Variants in GABBR2 observed in about 807,000 individuals in gnomAD.
GABBR2 encodes the protein gamma-aminobutyric acid type B receptor subunit 2, also known as G-protein coupled receptor 51.
A neutral mutation model predicts 105.6 loss-of-function variants in GABBR2; 23 were observed. That is an observed-to-expected ratio of 0.22 (90% CI 0.16 to 0.31). GABBR2 has a LOEUF of 0.31. Ranked by LOEUF, GABBR2 falls within the 10% of genes least tolerant of loss-of-function variation. The probability of loss-of-function intolerance (pLI) is 1.00; values close to 1 mark genes in which losing one functional copy is unlikely to be tolerated. For missense variants in GABBR2, 734 were observed against 1,245.5 expected (o/e 0.59, Z 6.18); for synonymous variants, 478 against 499.7 (o/e 0.96, Z 0.58).
intron 1 of GABBR2, among the ~76,000 whole-genome samples, chr9:98,586,543 AC>A (rs1829079968): frequency 6.6e-6 from 1 of 151,278 alleles, no homozygotes; most frequent in African/African-American, 2.4e-5. Context: ...CAAGTGATCC[AC>A]CCGCCTTGGC....
intron 1 of GABBR2, among the ~76,000 whole-genome samples, chr9:98,680,296 TTTTA>T (rs952004609): frequency 4.6e-5 from 7 of 152,030 alleles, no homozygotes; most frequent in Admixed American, 2.6e-4. Flanking sequence ...ATTATTATCA[TTTTA>T]TTTATTTATT....
intron 7 of GABBR2, among the ~76,000 whole-genome samples, chr9:98,452,501 C>T (rs1408149716): frequency 2.6e-5 from 4 of 152,160 alleles, no homozygotes; most frequent in African/African-American, 7.2e-5. Context: ...TTCCAGGTTC[C>T]TCACTGTTCA....
At chr9:98,672,935 T>C (rs1830423736) in intron 1 of GABBR2, among the ~76,000 whole-genome samples, 1 of 152,240 alleles carries the variant, frequency 6.6e-6, no homozygotes, top group African/African-American at 2.4e-5. Context: ...AGCAATCTTC[T>C]ACATTCACAA....
At chr9:98,359,665 C>T (rs497371) in intron 13 of GABBR2, among the ~76,000 whole-genome samples, 3 of 151,798 alleles carry the variant, frequency 2.0e-5, no homozygotes, top group African/African-American at 4.8e-5. Flanking sequence ...TGAAGTGATA[C>T]GGTTATTCGT....
intron 1 of GABBR2, among the ~76,000 whole-genome samples, chr9:98,655,231 C>T (rs1206474504): frequency 6.6e-6 from 1 of 151,984 alleles, no homozygotes; most frequent in Non-Finnish European, 1.5e-5. Context: ...GGACGTTGGG[C>T]GATAAGAAAG....
At position 98,367,298 on chromosome 9, in the gene GABBR2, T is replaced by TAAAAAAAA. The variant is rs368200743; in HGVS notation, c.1770+4158_1770+4165dup. Among the ~76,000 whole-genome samples the TAAAAAAAA allele has an allele frequency of 1.2e-3, 130 of 110,170 alleles. 1 individual carries two copies. The highest frequency in any genetic ancestry group is 1.0e-2 in the South Asian group (32 of 3,216). The allele number at this position is 110,170 out of a possible 152,430, so 72.3% of individuals were successfully genotyped here. A position where few individuals can be genotyped will look rare whatever the true frequency, so the allele number is the denominator to read the frequency against. On this transcript the variant is annotated intron_variant, in intron 12 of 18. Coordinates refer to ENST00000259455, the MANE Select transcript of GABBR2 (RefSeq NM_005458.8). Reference sequence around the variant, plus strand: ...TATATAAATCTAGTATATATGTCAGTAAAAAAAAAAAAAAAAATAAGGGGG... The same window carrying TAAAAAAAA: ...TATATAAATCTAGTATATATGTCAGTAAAAAAAAAAAAAAAAAAAAAAAAATAAGGGGG...
At chr9:98,472,855 G>A (rs1826712516) in intron 6 of GABBR2, among the ~76,000 whole-genome samples, 1 of 151,990 alleles carries the variant, frequency 6.6e-6, no homozygotes, top group South Asian at 2.1e-4. Flanking sequence ...GAGTCTAAAG[G>A]GCCCTGAAGT....
chr9:98,696,570 C>G (rs1830755993), intron 1 of GABBR2, among the ~76,000 whole-genome samples: 1 of 152,178 alleles, frequency 6.6e-6, no homozygotes, highest in African/African-American at 2.4e-5. Context: ...CCTCCTCCCC[C>G]ACGTGCCTTT....
At chr9:98,489,822 G>C (rs1166210855) in intron 4 of GABBR2, among the ~76,000 whole-genome samples, 2 of 152,204 alleles carry the variant, frequency 1.3e-5, no homozygotes, top group Non-Finnish European at 2.9e-5. Flanking sequence ...GCTTGGCACA[G>C]GTGGCTCACG....
chr9:98,373,727 C>A (rs1251690913), intron 11 of GABBR2, among the ~76,000 whole-genome samples: 1 of 152,066 alleles, frequency 6.6e-6, no homozygotes, highest in Non-Finnish European at 1.5e-5. Flanking sequence ...TACAAATGAC[C>A]ATATACAGAC....
chr9:98,681,126 T>G (rs10123681), intron 1 of GABBR2, among the ~76,000 whole-genome samples: 13,979 of 147,960 alleles, frequency 0.094, 1,479 homozygotes, highest in African/African-American at 0.26. Context: ...CATGCTGCTA[T>G]AAAGACACAT....
chr9:98,376,345 G>C (rs1282893396), intron 11 of GABBR2, among the ~76,000 whole-genome samples: 1 of 152,152 alleles, frequency 6.6e-6, no homozygotes, highest in African/African-American at 2.4e-5. Context: ...GCTGTGCTCC[G>C]GGTCTCCTTG....
chr9:98,485,275 C>G (rs527488557), intron 4 of GABBR2, among the ~76,000 whole-genome samples: 2 of 152,282 alleles, frequency 1.3e-5, no homozygotes, highest in Non-Finnish European at 2.9e-5. Flanking sequence ...TGGAAGGAAA[C>G]AGCGGTGGGA....
chr9:98,703,930 C>T (rs1830863679), intron 1 of GABBR2, among the ~76,000 whole-genome samples: 1 of 151,712 alleles, frequency 6.6e-6, no homozygotes, highest in African/African-American at 2.4e-5. Context: ...TTAACTTATA[C>T]ACTTTAAAAG....
intron 7 of GABBR2, among the ~76,000 whole-genome samples, chr9:98,406,712 G>A (rs1459165154): frequency 1.3e-5 from 2 of 152,214 alleles, no homozygotes; most frequent in East Asian, 3.8e-4. Context: ...AGCTTCTTGA[G>A]CCAGCGAGAC....
At chr9:98,667,558 C>T (rs1398223605) in intron 1 of GABBR2, among the ~76,000 whole-genome samples, 1 of 152,182 alleles carries the variant, frequency 6.6e-6, no homozygotes, top group Non-Finnish European at 1.5e-5. Context: ...ACACCCTTGC[C>T]TTGATTTGGG....
chr9:98,365,611 T>C (rs1267686671), intron 12 of GABBR2, among the ~76,000 whole-genome samples: 1 of 152,208 alleles, frequency 6.6e-6, no homozygotes, highest in Non-Finnish European at 1.5e-5. Context: ...ATTGTAGAAA[T>C]ATTTATTGAG....
intron 7 of GABBR2, among the ~76,000 whole-genome samples, chr9:98,415,628 G>C (rs1428772713): frequency 6.6e-6 from 1 of 152,160 alleles, no homozygotes; most frequent in Non-Finnish European, 1.5e-5. Context: ...TGAAACATTT[G>C]TGTGCGTTAT....
chr9:98,647,155 C>A (rs1830036570), intron 1 of GABBR2, among the ~76,000 whole-genome samples: 1 of 152,220 alleles, frequency 6.6e-6, no homozygotes, highest in South Asian at 2.1e-4. Context: ...TGCTAGAGGA[C>A]TAGGCACAGT....
Sources: allele counts gnomAD v4.1 joint callset (sites outside exome capture counted in the v4.1 genomes callset), GRCh38; gene constraint gnomAD v4.1.1; transcripts MANE v1.5; gene names NCBI Gene and HGNC (gene_info 2026-07-23, HGNC 2026-07-21).